GLRA2: variants seen among roughly 807,000 people sequenced by gnomAD.
GLRA2 encodes the protein glycine receptor alpha 2, also known as glycine receptor subunit alpha-2.
GLRA2 carries 11 observed loss-of-function variants against 31.6 expected under a neutral mutation model. The observed-to-expected ratio is 0.35, with a 90% CI of 0.22 to 0.58. GLRA2 has a LOEUF of 0.58. GLRA2 is among the 20% of genes least tolerant of loss of function. The pLI, the probability that GLRA2 is intolerant of heterozygous loss-of-function variation, is 0.84. For missense variants in GLRA2, 212 were observed against 351.8 expected, an observed-to-expected ratio of 0.60 and a Z score of 3.18; for synonymous variants, 132 against 134.0, an observed-to-expected ratio of 0.99 and a Z score of 0.10.
At chrX:14,506,409 T>C in the GLRA2 span, among the ~76,000 whole-genome samples, 3 of 111,061 alleles carry the variant, frequency 2.7e-5, no homozygotes, top group African/African-American at 9.8e-5. Flanking sequence ...TCCTACATCA[T>C]TTTCCACCCT....
At chrX:14,461,849 T>C in the GLRA2 span, among the ~76,000 whole-genome samples, 1 of 112,288 alleles carries the variant, frequency 8.9e-6, no homozygotes, top group Non-Finnish European at 1.9e-5. Flanking sequence ...CCCATTTACA[T>C]TTAAGGTTAA....
chrX:14,505,863 T>A, the GLRA2 span, among the ~76,000 whole-genome samples: 90 of 111,644 alleles, frequency 8.1e-4, 2 homozygotes, highest in East Asian at 0.021. Context: ...AGACAGCCCC[T>A]GAGGCATCTG....
At chrX:14,726,060 T>C (rs756047645) in intron 8 of GLRA2, among the ~76,000 whole-genome samples, 1 of 112,314 alleles carries the variant, frequency 8.9e-6, no homozygotes, top group South Asian at 3.7e-4. Context: ...ATGGAGAATA[T>C]ATGCCTAAAA....
intron 7 of GLRA2, among the ~76,000 whole-genome samples, chrX:14,621,282 C>A (rs771092392): frequency 9.0e-6 from 1 of 110,937 alleles, no homozygotes; most frequent in Non-Finnish European, 1.9e-5. Flanking sequence ...CAGACCCTAC[C>A]ACAAATTAAA....
intron 8 of GLRA2, among the ~76,000 whole-genome samples, chrX:14,720,526 A>C (rs1210040998): frequency 9.0e-6 from 1 of 111,452 alleles, no homozygotes; most frequent in Non-Finnish European, 1.9e-5. Context: ...CCATTCAAAA[A>C]TAGGGGGAAC....
chrX:14,636,082 C>T (rs183056161), intron 7 of GLRA2, among the ~76,000 whole-genome samples: 10 of 111,493 alleles, frequency 9.0e-5, no homozygotes, highest in Non-Finnish European at 1.9e-4. Context: ...TTACCCACAT[C>T]GTAAAACAAA....
intron 4 of GLRA2, among the ~76,000 whole-genome samples, chrX:14,589,738 G>A (rs974973731): frequency 1.4e-5 from 1 of 72,945 alleles, no homozygotes; most frequent in Non-Finnish European, 2.7e-5. Flanking sequence ...GTATATATAT[G>A]TGTATATATA....
the GLRA2 span, among the ~76,000 whole-genome samples, chrX:14,468,469 A>C: frequency 8.9e-6 from 1 of 111,854 alleles, no homozygotes; most frequent in Non-Finnish European, 1.9e-5. Flanking sequence ...AGGGCTTCCC[A>C]AACTTATTTG....
chrX:14,458,324 A>G, the GLRA2 span, among the ~76,000 whole-genome samples: 109 of 111,995 alleles, frequency 9.7e-4, no homozygotes, highest in African/African-American at 3.4e-3. Flanking sequence ...TAGTGCCACA[A>G]TAAACATCCG....
At chrX:14,629,526 C>T in intron 7 of GLRA2, among the ~76,000 whole-genome samples, 1 of 111,391 alleles carries the variant, frequency 9.0e-6, no homozygotes, top group Non-Finnish European at 1.9e-5. Context: ...TCATGACCAT[C>T]AGCCTTTGGC....
intron 3 of GLRA2, among the ~76,000 whole-genome samples, chrX:14,575,572 C>A (rs1375315217): frequency 9.1e-6 from 1 of 110,384 alleles, no homozygotes; most frequent in Non-Finnish European, 1.9e-5. Context: ...AACGATATTC[C>A]TGCCTCAGCC....
At chrX:14,568,704 A>G (rs1191526213) in intron 2 of GLRA2, among the ~76,000 whole-genome samples, 2 of 54,795 alleles carry the variant, frequency 3.6e-5, no homozygotes, top group Non-Finnish European at 3.6e-5. Flanking sequence ...AAAAAAAAAA[A>G]AAAAAGAAAA....
At chrX:14,497,179 G>A in the GLRA2 span, among the ~76,000 whole-genome samples, 2,006 of 111,426 alleles carry the variant, frequency 0.018, 55 homozygotes, top group African/African-American at 0.062. Flanking sequence ...TAGAGCCCAA[G>A]GCACTCAAAT....
At chrX:14,568,424 G>T (rs1380651365) in intron 2 of GLRA2, among the ~76,000 whole-genome samples, 2 of 111,684 alleles carry the variant, frequency 1.8e-5, no homozygotes, top group African/African-American at 6.5e-5. Flanking sequence ...CGGGCATGGT[G>T]GCTCATGCCT....
the GLRA2 span, among the ~76,000 whole-genome samples, chrX:14,504,780 G>A: frequency 8.9e-6 from 1 of 112,221 alleles, no homozygotes; most frequent in Admixed American, 9.5e-5. Context: ...GTACTAATCT[G>A]TTAGGTTGGG....
intron 8 of GLRA2, among the ~76,000 whole-genome samples, chrX:14,712,446 T>C (rs1275858366): frequency 9.0e-6 from 1 of 111,623 alleles, no homozygotes; most frequent in East Asian, 2.8e-4. Flanking sequence ...TGCAGGATTT[T>C]GTCTTCTTTA....
chrX:14,451,933 C>T, the GLRA2 span, among the ~76,000 whole-genome samples: 1 of 111,504 alleles, frequency 9.0e-6, no homozygotes, highest in Non-Finnish European at 1.9e-5. Flanking sequence ...AATATATATG[C>T]ACCCAACATT....
intron 8 of GLRA2, among the ~76,000 whole-genome samples, chrX:14,707,757 G>GGTGTGTGTGTGTGT (rs374444365): frequency 1.7e-4 from 18 of 106,211 alleles, no homozygotes; most frequent in Admixed American, 1.6e-3. Flanking sequence ...CAGCAAAAAA[G>GGTGTGTGTGTGTGT]GTGTGTGTGT....
intron 7 of GLRA2, among the ~76,000 whole-genome samples, chrX:14,616,952 G>A (rs776570599): frequency 1.8e-5 from 2 of 111,651 alleles, no homozygotes; most frequent in Non-Finnish European, 3.8e-5. Flanking sequence ...AAATTGAAGA[G>A]TCGTTGATGT....
Sources: allele counts gnomAD v4.1 joint callset (sites outside exome capture counted in the v4.1 genomes callset), GRCh38; gene constraint gnomAD v4.1.1; transcripts MANE v1.5; gene names NCBI Gene and HGNC (gene_info 2026-07-23, HGNC 2026-07-21).